MAGI2: variants seen among roughly 807,000 people sequenced by gnomAD.
MAGI2 encodes membrane associated guanylate kinase, WW and PDZ domain containing 2, also known as membrane-associated guanylate kinase, WW and PDZ domain-containing protein 2.
MAGI2 carries 35 observed loss-of-function variants against 133.3 expected under a neutral mutation model. The ratio of observed to expected loss-of-function variants is 0.26; its 90% CI spans 0.20 to 0.35. The LOEUF (loss-of-function observed/expected upper bound fraction) is 0.35. MAGI2 is among the 10% of genes least tolerant of loss of function. MAGI2 has a pLI of 1.00. For synonymous variants in MAGI2, 729 were observed against 710.6 expected (o/e 1.03, Z -0.41); for missense variants, 1,636 against 1,863.4 (o/e 0.88, Z 2.25).
chr7:78,234,405 A>G (rs968847553), intron 10 of MAGI2, among the ~76,000 whole-genome samples: 2 of 152,180 alleles, frequency 1.3e-5, no homozygotes, highest in Non-Finnish European at 2.9e-5. Context: ...TGTACCACAC[A>G]ATATGAAATA....
intron 2 of MAGI2, among the ~76,000 whole-genome samples, chr7:78,763,984 T>C (rs1407937359): frequency 1.3e-5 from 2 of 152,204 alleles, no homozygotes; most frequent in Non-Finnish European, 2.9e-5. Flanking sequence ...GACACAGGGC[T>C]GAAACAGGAG....
At chr7:78,041,585 G>T (rs139412820) in intron 21 of MAGI2, among the ~76,000 whole-genome samples, 1 of 152,328 alleles carries the variant, frequency 6.6e-6, no homozygotes, top group East Asian at 1.9e-4. Context: ...TGAGGTGGGA[G>T]GATTGCTTGA....
At chr7:78,203,400 TA>T (rs1829449509) in intron 10 of MAGI2, among the ~76,000 whole-genome samples, 1 of 152,162 alleles carries the variant, frequency 6.6e-6, no homozygotes, top group Non-Finnish European at 1.5e-5. Context: ...GTGTCAGAAC[TA>T]AAATGGTGTA....
chr7:78,125,584 G>C, intron 20 of MAGI2, 110 bp downstream of exon 20: 2 of 1,118,800 alleles, frequency 1.8e-6, no homozygotes, highest in Non-Finnish European at 2.5e-6. Flanking sequence ...ACTAGAAAGA[G>C]GGCAAACCTA....
chr7:78,506,057 T>C (rs1795057393), intron 4 of MAGI2, among the ~76,000 whole-genome samples: 1 of 152,146 alleles, frequency 6.6e-6, no homozygotes, highest in Admixed American at 6.6e-5. Context: ...CAAAATTAGA[T>C]TTTCATTTCC....
chr7:78,057,997 A>ATGTGTGTGTGTGTGTG, intron 21 of MAGI2, among the ~76,000 whole-genome samples: 1 of 40,024 alleles, frequency 2.5e-5, no homozygotes, highest in African/African-American at 1.5e-4. Context: ...ATATATATAT[A>ATGTGTGTGTGTGTGTG]TATATATGTA....
intron 2 of MAGI2, among the ~76,000 whole-genome samples, chr7:78,679,908 T>C (rs1815469577): frequency 6.6e-6 from 1 of 152,078 alleles, no homozygotes; most frequent in Non-Finnish European, 1.5e-5. Context: ...AACAACAAAG[T>C]CAGCATAGTC....
At chr7:78,241,725 G>A (rs1487774001) in intron 10 of MAGI2, among the ~76,000 whole-genome samples, 1 of 152,062 alleles carries the variant, frequency 6.6e-6, no homozygotes, top group African/African-American at 2.4e-5. Flanking sequence ...TTGAGGTCAG[G>A]AGTTCGAGAC....
At chr7:79,279,675 G>C (rs909140895) in intron 1 of MAGI2, among the ~76,000 whole-genome samples, 2 of 152,146 alleles carry the variant, frequency 1.3e-5, no homozygotes. Context: ...TCTCAAAGAA[G>C]TGGATTATTT....
At chr7:79,157,715 A>C (rs933948209) in intron 1 of MAGI2, among the ~76,000 whole-genome samples, 1 of 152,014 alleles carries the variant, frequency 6.6e-6, no homozygotes, top group African/African-American at 2.4e-5. Flanking sequence ...CATTTACATT[A>C]AGGTAAAGAG....
rs550742249 is a variant in MAGI2, at chr7:78,090,928, A to G, written c.3568-11843T>C. On this transcript the variant is annotated intron_variant, in intron 20 of 21. Transcript: ENST00000354212. Reference sequence around the variant, plus strand: ...GAGAAGCACTGGGAAATACACTCTTATTTATGATAGTTATTCTATAACTAC... The same window carrying G: ...GAGAAGCACTGGGAAATACACTCTTGTTTATGATAGTTATTCTATAACTAC... Among the ~76,000 whole-genome samples, 139 of 152,282 alleles carry G rather than the reference A, an allele frequency of 9.1e-4. 1 individual carries two copies. In the South Asian group the frequency reaches 0.014, roughly 16 times the overall value.
At chr7:79,012,253 A>G (rs1001654725) in intron 1 of MAGI2, 1 of 152,054 alleles carries the variant, frequency 6.6e-6, no homozygotes, top group Non-Finnish European at 1.5e-5. Context: ...CTTGTTTGCA[A>G]CTAATTAAAC....
At chr7:78,882,762 G>A (rs1795976114) in intron 2 of MAGI2, among the ~76,000 whole-genome samples, 2 of 152,036 alleles carry the variant, frequency 1.3e-5, no homozygotes, top group Non-Finnish European at 2.9e-5. Flanking sequence ...ACACCCATAT[G>A]TTCACCTCAA....
intron 2 of MAGI2, among the ~76,000 whole-genome samples, chr7:78,945,867 G>A (rs971416542): frequency 6.6e-6 from 1 of 152,092 alleles, no homozygotes; most frequent in Non-Finnish European, 1.5e-5. Context: ...TCATCTTCGG[G>A]ATCTTCCTCA....
chr7:78,461,943 A>G (rs796376630), intron 6 of MAGI2, among the ~76,000 whole-genome samples: 3,504 of 139,894 alleles, frequency 0.025, 54 homozygotes, highest in Middle Eastern at 0.062. Flanking sequence ...AAAAAAAAAA[A>G]AAAAGAAAGA....
In MAGI2 at chr7:78,414,397, G is replaced by A. The variant is rs181063545; in HGVS notation, c.1046-45184C>T. Among the ~76,000 whole-genome samples, 674 of 152,034 alleles carry A rather than the reference G, an allele frequency of 4.4e-3. 2 individuals are homozygous for A. Among genetic ancestry groups the A allele is most frequent in the Middle Eastern group, 6.8e-3 (2 of 292 alleles). ...TGAAAAAATACATATACAGAGAAAA[G>A]ACTGGAAGGAAATGCACTAAATATA... On this transcript the variant is annotated intron_variant, in intron 6 of 21. Coordinates refer to ENST00000354212, the MANE Select transcript of MAGI2 (RefSeq NM_012301.4).
chr7:78,400,473 T>C (rs1796758168), intron 6 of MAGI2, among the ~76,000 whole-genome samples: 3 of 152,178 alleles, frequency 2.0e-5, no homozygotes, highest in African/African-American at 7.2e-5. Context: ...AAATCATTTG[T>C]TATTGGGACT....
chr7:78,523,231 A>G (rs1183363011), intron 3 of MAGI2, among the ~76,000 whole-genome samples: 1 of 152,174 alleles, frequency 6.6e-6, no homozygotes, highest in Non-Finnish European at 1.5e-5. Context: ...TGGGAAGAGC[A>G]GTAATTGTTC....
chr7:79,214,983 G>A (rs115464696), intron 1 of MAGI2, among the ~76,000 whole-genome samples: 14 of 149,434 alleles, frequency 9.4e-5, no homozygotes, highest in Admixed American at 2.0e-4. Context: ...TTACAAGTAC[G>A]TTTGTACACA....
Sources: gnomAD v4.1 joint callset for allele counts (sites outside exome capture counted in the v4.1 genomes callset) on GRCh38, gnomAD v4.1.1 for gene constraint, MANE v1.5 for transcripts, NCBI Gene and HGNC (gene_info 2026-07-23, HGNC 2026-07-21) for gene names.